CNTNAP2: variants seen among roughly 807,000 people sequenced by gnomAD.
CNTNAP2 encodes the protein contactin associated protein 2.
CNTNAP2 carries 98 observed loss-of-function variants against 155.2 expected under a neutral mutation model. The ratio of observed to expected loss-of-function variants is 0.63; its 90% confidence interval spans 0.54 to 0.75. CNTNAP2 has a LOEUF of 0.75. Ranked by LOEUF, CNTNAP2 falls within the 30% of genes least tolerant of loss-of-function variation. The pLI, the probability that CNTNAP2 is intolerant of heterozygous loss-of-function variation, is 0.00. For synonymous variants in CNTNAP2, 651 were observed against 631.2 expected (o/e 1.03, Z -0.47); for missense variants, 1,727 against 1,688.1 (o/e 1.02, Z -0.40).
At position 147,712,676 on chromosome 7, in the gene CNTNAP2, T is replaced by G. The variant is rs370969609; in HGVS notation, c.2098+73370T>G. Reference sequence around the variant, plus strand: ...ACCAAACACCGCATGTTCTCACTCATAGGTGGGAATTGAACAATAAGAACA... The same window carrying G: ...ACCAAACACCGCATGTTCTCACTCAGAGGTGGGAATTGAACAATAAGAACA... On this transcript the variant is annotated intron_variant, in intron 13 of 23. Coordinates refer to ENST00000361727, the MANE Select transcript of CNTNAP2 (RefSeq NM_014141.6). Among the ~76,000 whole-genome samples, 37 of 152,168 alleles carry G rather than the reference T, an allele frequency of 2.4e-4. No individual in the cohort carries two copies. In the East Asian group the frequency reaches 6.8e-3, roughly 28 times the overall value.
intron 14 of CNTNAP2, among the ~76,000 whole-genome samples, chr7:147,958,974 C>T (rs577416700): frequency 6.8e-4 from 104 of 152,244 alleles, no homozygotes; most frequent in African/African-American, 2.4e-3. Flanking sequence ...CATCTAAGGA[C>T]CACACTGAAC....
At chr7:148,289,070 T>G (rs1797146318) in intron 21 of CNTNAP2, among the ~76,000 whole-genome samples, 1 of 151,966 alleles carries the variant, frequency 6.6e-6, no homozygotes, top group Non-Finnish European at 1.5e-5. Context: ...TCCCTTTGAT[T>G]ACCCCAATAT....
intron 21 of CNTNAP2, among the ~76,000 whole-genome samples, chr7:148,348,520 A>T (rs1798364722): frequency 6.6e-6 from 1 of 152,222 alleles, no homozygotes; most frequent in Non-Finnish European, 1.5e-5. Context: ...TATGGAGCTC[A>T]TCGCCCTATG....
At chr7:146,559,990 T>C (rs1798256010) in intron 1 of CNTNAP2, among the ~76,000 whole-genome samples, 1 of 152,228 alleles carries the variant, frequency 6.6e-6, no homozygotes, top group Admixed American at 6.5e-5. Flanking sequence ...ATTTTTTCTG[T>C]ATTTAAAATG....
chr7:146,227,002 T>TATATTTA (rs1422248574), intron 1 of CNTNAP2, among the ~76,000 whole-genome samples: 1 of 152,154 alleles, frequency 6.6e-6, no homozygotes, highest in Non-Finnish European at 1.5e-5. Context: ...ACTAAATGAA[T>TATATTTA]GAAAAAGGCA....
chr7:146,564,813 C>T lies in CNTNAP2; in HGVS notation c.98-209458C>T, dbSNP rs540799938. Among the ~76,000 whole-genome samples, 5 of 151,802 alleles carry T rather than the reference C, an allele frequency of 3.3e-5. No homozygotes were observed. The South Asian group carries it at 1.0e-3, about 32-fold the overall frequency. On this transcript the variant is annotated intron_variant, in intron 1 of 23. Coordinates refer to ENST00000361727, the MANE Select transcript of CNTNAP2 (RefSeq NM_014141.6). ...TTCTAACTTTATTCAGTTTATAGTA[C>T]TTAGTAGTTTACAAAATATGTTTAC...
intron 11 of CNTNAP2, among the ~76,000 whole-genome samples, chr7:147,522,017 T>A (rs1022133888): frequency 6.6e-6 from 1 of 152,202 alleles, no homozygotes; most frequent in Non-Finnish European, 1.5e-5. Context: ...AAGTCCAAGA[T>A]CAAGGTGCTG....
intron 3 of CNTNAP2, among the ~76,000 whole-genome samples, chr7:146,851,780 C>T (rs1317834422): frequency 6.6e-6 from 1 of 151,152 alleles, no homozygotes; most frequent in Non-Finnish European, 1.5e-5. Context: ...ACTCCTGAAC[C>T]CATGGATCCT....
intron 1 of CNTNAP2, among the ~76,000 whole-genome samples, chr7:146,351,672 C>A (rs1356095380): frequency 6.6e-6 from 1 of 152,138 alleles, no homozygotes; most frequent in Admixed American, 6.5e-5. Flanking sequence ...TACAAAAACT[C>A]AGTTCCTGTT....
intron 8 of CNTNAP2, among the ~76,000 whole-genome samples, chr7:147,299,377 A>G (rs1302570077): frequency 1.3e-5 from 2 of 151,834 alleles, no homozygotes; most frequent in African/African-American, 2.4e-5. Flanking sequence ...AGATCGTTGT[A>G]TCAAGCAACA....
At chr7:147,134,638 T>C (rs1801442796) in intron 8 of CNTNAP2, among the ~76,000 whole-genome samples, 1 of 151,898 alleles carries the variant, frequency 6.6e-6, no homozygotes, top group African/African-American at 2.4e-5. Flanking sequence ...ATTCATTCAA[T>C]CTAAAAGTAC....
intron 4 of CNTNAP2, among the ~76,000 whole-genome samples, chr7:147,093,181 C>A (rs1325065681): frequency 7.1e-6 from 1 of 141,444 alleles, no homozygotes. Context: ...GCGGAGCTTG[C>A]AGTGAGCTGA....
intron 1 of CNTNAP2, among the ~76,000 whole-genome samples, chr7:146,506,467 A>T (rs1474686332): frequency 6.6e-6 from 1 of 152,244 alleles, no homozygotes; most frequent in Non-Finnish European, 1.5e-5. Flanking sequence ...CTGCAGCCAT[A>T]GAGCTACATC....
chr7:148,369,971 G>T (rs1237462036), intron 21 of CNTNAP2, among the ~76,000 whole-genome samples: 1 of 152,124 alleles, frequency 6.6e-6, no homozygotes, highest in African/African-American at 2.4e-5. Flanking sequence ...AGAATTCTGT[G>T]AAGGAAAAGC....
chr7:146,274,826 G>A (rs145812109), intron 1 of CNTNAP2, among the ~76,000 whole-genome samples: 10 of 152,242 alleles, frequency 6.6e-5, no homozygotes, highest in African/African-American at 2.2e-4. Context: ...CCTACATTTC[G>A]AGCAAAGAGT....
At chr7:146,814,144 A>G (rs1467281777) in intron 2 of CNTNAP2, among the ~76,000 whole-genome samples, 2 of 152,160 alleles carry the variant, frequency 1.3e-5, no homozygotes, top group African/African-American at 4.8e-5. Context: ...CCAGATATAA[A>G]TGAAATAGAT....
chr7:147,476,928 TTAAAAAAA>T (rs751521841), intron 10 of CNTNAP2, among the ~76,000 whole-genome samples: 3 of 137,756 alleles, frequency 2.2e-5, no homozygotes, highest in Admixed American at 1.5e-4. Context: ...ACTCTGTCAT[TTAAAAAAA>T]AAAAAAAAAA....
At position 146,590,506 on chromosome 7, in the gene CNTNAP2, T is replaced by A. The variant is rs114309805; in HGVS notation, c.98-183765T>A. Among the ~76,000 whole-genome samples the A allele has an allele frequency of 4.8e-3, 733 of 152,184 alleles. 5 individuals carry two copies. Among genetic ancestry groups the A allele is most frequent in the African/African-American group, 0.016 (678 of 41,530 alleles). On this transcript the variant is annotated intron_variant, in intron 1 of 23. Coordinates refer to ENST00000361727, the MANE Select transcript of CNTNAP2 (RefSeq NM_014141.6). ...TAATTAATGAAAGAAAACTCCACCC[T>A]CCAACTCTTAATGACAGTACAGGTT...
chr7:147,171,344 G>A (rs756018181), intron 8 of CNTNAP2, among the ~76,000 whole-genome samples: 18 of 152,152 alleles, frequency 1.2e-4, no homozygotes, highest in Non-Finnish European at 1.9e-4. Flanking sequence ...TTTAGAGGTG[G>A]TAGCGGCCCT....
Sources: allele counts gnomAD v4.1 joint callset (sites outside exome capture counted in the v4.1 genomes callset), GRCh38; gene constraint gnomAD v4.1.1; transcripts MANE v1.5; gene names NCBI Gene and HGNC (gene_info 2026-07-23, HGNC 2026-07-21).